RHEX: variants seen among roughly 807,000 people sequenced by gnomAD.
RHEX encodes the protein regulator of hemoglobinization and erythroid cell expansion.
In RHEX, 18 loss-of-function variants were observed where a neutral mutation model predicts 20.1. The observed-to-expected ratio is 0.90, with a 90% CI of 0.62 to 1.33. The LOEUF (loss-of-function observed/expected upper bound fraction) is 1.33. RHEX is among the 40% of genes most tolerant of loss of function. RHEX has a pLI of 0.00. For synonymous variants in RHEX, 87 were observed against 77.1 expected (o/e 1.13, Z -0.67); for missense variants, 192 against 214.3 (o/e 0.90, Z 0.65).
At chr1:206,055,522 T>C (rs967209810) in intron 1 of RHEX, among the ~76,000 whole-genome samples, 3 of 152,210 alleles carry the variant, frequency 2.0e-5, no homozygotes, top group African/African-American at 4.8e-5. Flanking sequence ...AAGCCCCTTA[T>C]GGGTCTTTCA....
intron 1 of RHEX, among the ~76,000 whole-genome samples, chr1:206,073,640 A>C (rs1553284898): frequency 6.6e-6 from 1 of 151,968 alleles, no homozygotes; most frequent in Non-Finnish European, 1.5e-5. Flanking sequence ...TCTGAAACGA[A>C]AGTATCCCGC....
rs1319202597 is a variant in RHEX, at chr1:206,101,783, T to C, written c.350T>C (p.Val117Ala). Reference sequence around the variant, plus strand: ...GAGGATGTGGATTACACACAAGTCGTCTTTTCTGACCCTGGAGAACTAAAA... The same window carrying C: ...GAGGATGTGGATTACACACAAGTCGCCTTTTCTGACCCTGGAGAACTAAAA... Reference protein sequence around the residue: ...ATEDVDYTQVVFSDPGELKND... With the variant: ...ATEDVDYTQVAFSDPGELKND... Residue 117 changes from valine to alanine, a missense_variant, in exon 6 of 6, where the codon GTC becomes GCC. Val to Ala is a moderately conservative substitution (Grantham distance 64). Transcript: ENST00000331555. 6.2e-7 allele frequency: 1 copy of C among 1,613,796 alleles called. No individual in the cohort carries two copies. Among genetic ancestry groups the C allele is most frequent in the Non-Finnish European group, 8.5e-7 (1 of 1,179,950 alleles).
At chr1:206,070,855 CACTTGGCAAGGTAACTAATTTCTA>C (rs1248351082) in intron 1 of RHEX, among the ~76,000 whole-genome samples, 1 of 152,170 alleles carries the variant, frequency 6.6e-6, no homozygotes, top group Non-Finnish European at 1.5e-5. Flanking sequence ...CTGTGTACAA[CACTTGGCAAGGTAACTAATTTCTA>C]TAAGTCCAGG....
intron 1 of RHEX, among the ~76,000 whole-genome samples, chr1:206,054,040 A>C (rs1662133736): frequency 6.6e-6 from 1 of 152,288 alleles, no homozygotes; most frequent in Admixed American, 6.5e-5. Context: ...TATTATGGTA[A>C]CTTCTAATCT....
intron 1 of RHEX, among the ~76,000 whole-genome samples, chr1:206,062,744 G>A (rs781831188): frequency 1.4e-4 from 21 of 152,180 alleles, no homozygotes; most frequent in Non-Finnish European, 2.4e-4. Flanking sequence ...AGTGCCAAGC[G>A]GGAAGTGGGC....
intron 1 of RHEX, among the ~76,000 whole-genome samples, chr1:206,055,464 C>T (rs1443179333): frequency 6.6e-6 from 1 of 152,126 alleles, no homozygotes. Flanking sequence ...GGCATTTCAT[C>T]AACCAGAGGA....
At chr1:206,069,904 A>G (rs193205084) in intron 1 of RHEX, among the ~76,000 whole-genome samples, 1 of 152,312 alleles carries the variant, frequency 6.6e-6, no homozygotes, top group Admixed American at 6.5e-5. Context: ...GGGAGCTTAG[A>G]GGACGGACAA....
chr1:206,084,843 T>A (rs1371542797), intron 1 of RHEX, among the ~76,000 whole-genome samples: 1 of 152,186 alleles, frequency 6.6e-6, no homozygotes, highest in Non-Finnish European at 1.5e-5. Flanking sequence ...AGGGCCCTAC[T>A]AGTCTGCACA....
chr1:206,097,639 A>G, intron 1 of RHEX, 94 bp from the exon 2 acceptor site: 1 of 693,818 alleles, frequency 1.4e-6, no homozygotes, highest in Non-Finnish European at 2.5e-6. Context: ...TAAACTGGGC[A>G]TGTGTCACAA....
chr1:206,101,318 A>G (rs1663182523), intron 5 of RHEX, 121 bp downstream of exon 5: 1 of 767,336 alleles, frequency 1.3e-6, no homozygotes, highest in African/African-American at 1.7e-5. Context: ...GGGTTTCTTG[A>G]GTCATCACAG....
intron 1 of RHEX, among the ~76,000 whole-genome samples, chr1:206,079,555 AT>A (rs1331478762): frequency 6.6e-6 from 1 of 151,884 alleles, no homozygotes; most frequent in Admixed American, 6.6e-5. Flanking sequence ...TCAGCAAGGC[AT>A]TTTTTTTCTA....
At chr1:206,094,677 C>T (rs115260624) in intron 1 of RHEX, among the ~76,000 whole-genome samples, 2,360 of 152,110 alleles carry the variant, frequency 0.016, 29 homozygotes, top group Non-Finnish European at 0.023. Context: ...GTTGGACGTC[C>T]GTATTATTTA....
intron 5 of RHEX, 49 bp from the exon 6 acceptor site, chr1:206,101,703 C>G: frequency 2.8e-6 from 4 of 1,441,876 alleles, no homozygotes; most frequent in Non-Finnish European, 2.9e-6. Context: ...CTTATTTCCC[C>G]CAAACGTGGT....
intron 1 of RHEX, among the ~76,000 whole-genome samples, chr1:206,075,363 C>T (rs1188089430): frequency 2.0e-5 from 3 of 152,166 alleles, no homozygotes; most frequent in Admixed American, 2.0e-4. Flanking sequence ...GGATCATTGG[C>T]AGTGGACATA....
At chr1:206,054,617 T>G (rs555114113) in intron 1 of RHEX, among the ~76,000 whole-genome samples, 4 of 152,350 alleles carry the variant, frequency 2.6e-5, no homozygotes, top group African/African-American at 9.6e-5. Flanking sequence ...ATGCCACAGG[T>G]TTTTCTTAAA....
At chr1:206,098,428 C>T (rs1275719859) in intron 3 of RHEX, 5 of 480,226 alleles carry the variant, frequency 1.0e-5, no homozygotes, top group Non-Finnish European at 1.9e-5. Flanking sequence ...GTCTACTACC[C>T]AGACCTTCTG....
At chr1:206,078,785 G>A (rs1250025467) in intron 1 of RHEX, among the ~76,000 whole-genome samples, 1 of 151,962 alleles carries the variant, frequency 6.6e-6, no homozygotes, top group African/African-American at 2.4e-5. Flanking sequence ...AGAGGTGCCT[G>A]GGGGGGCAAG....
intron 1 of RHEX, among the ~76,000 whole-genome samples, chr1:206,090,733 AT>A (rs1662934197): frequency 2.0e-5 from 3 of 151,872 alleles, no homozygotes; most frequent in Non-Finnish European, 4.4e-5. Flanking sequence ...ATAAATTTTT[AT>A]TATTTTCTTC....
At chr1:206,073,625 A>G (rs1443000914) in intron 1 of RHEX, among the ~76,000 whole-genome samples, 1 of 152,078 alleles carries the variant, frequency 6.6e-6, no homozygotes, top group Non-Finnish European at 1.5e-5. Flanking sequence ...CTCAAACTCA[A>G]CACATCTGAA....
Sources: allele counts gnomAD v4.1 joint callset (sites outside exome capture counted in the v4.1 genomes callset), GRCh38; gene constraint gnomAD v4.1.1; transcripts MANE v1.5; gene names NCBI Gene and HGNC (gene_info 2026-07-23, HGNC 2026-07-21).